The following VANGL2 variants were observed in gnomAD, a reference collection of about 807,000 sequenced individuals.
The protein encoded by VANGL2 is VANGL planar cell polarity protein 2.
VANGL2 carries 14 observed loss-of-function variants against 50.2 expected under a neutral mutation model. That is an observed-to-expected ratio of 0.28 (90% confidence interval 0.18 to 0.44). The LOEUF is 0.44. Among genes scored for constraint, VANGL2 ranks in the 20% least tolerant of loss-of-function variants. The probability of loss-of-function intolerance (pLI) is 1.00; values close to 1 mark genes in which losing one functional copy is unlikely to be tolerated. For missense variants in VANGL2, 533 were observed against 701.5 expected (o/e 0.76, Z 2.71); for synonymous variants, 295 against 297.2 (o/e 0.99, Z 0.08).
At chr1:160,414,840 C>G (rs575081091) in intron 1 of VANGL2, among the ~76,000 whole-genome samples, 4 of 128,198 alleles carry the variant, frequency 3.1e-5, no homozygotes, top group Non-Finnish European at 4.8e-5. Context: ...GAAGAATGAG[C>G]AGGATTTGGG....
chr1:160,409,258 C>G (rs1158842457), intron 1 of VANGL2, among the ~76,000 whole-genome samples: 2 of 152,204 alleles, frequency 1.3e-5, no homozygotes, highest in African/African-American at 4.8e-5. Context: ...CTACGATTTT[C>G]CAACAATTAG....
Position 160,409,036 on chromosome 1 carries a change from A to G in VANGL2, c.-190-6612A>G, listed in dbSNP as rs1185807415. ...TGCAGGAACCACCCCTTTTGGGGATAGAGGCTCTTTGGTTCTGGCTGTCTT... is the reference window on the plus strand; with the variant it reads ...TGCAGGAACCACCCCTTTTGGGGATGGAGGCTCTTTGGTTCTGGCTGTCTT... On this transcript the variant is annotated intron_variant, in intron 1 of 7. Transcript: ENST00000368061. Among the ~76,000 whole-genome samples, 3 of 152,350 alleles carry G rather than the reference A, an allele frequency of 2.0e-5. No homozygotes were observed. In the East Asian group the frequency reaches 5.8e-4, roughly 29 times the overall value.
rs1651162253 is a variant in VANGL2 at position 160,419,052 on chromosome 1, C to T, written c.243C>T (p.His81=). The T allele has an allele frequency of 6.2e-7, 1 of 1,612,516 alleles. No homozygotes were observed. Among genetic ancestry groups the T allele is most frequent in the African/African-American group, 1.3e-5 (1 of 74,902 alleles). Residue 81 remains histidine (H), a synonymous_variant, in exon 4 of 8, where the codon CAC becomes CAT. Transcript: ENST00000368061. This position sits in a 1 kb window ranked among gnomAD's most constrained non-coding sequence, Gnocchi z 5.8. ...TTTVVTGTSE[H]SISHDDLTRI... ...CAGTAGTAACGGGCACCTCAGAGCA[C>T]AGCATCTCCCATGATGACCTCACAC...
intron 1 of VANGL2, among the ~76,000 whole-genome samples, chr1:160,413,823 A>G (rs1650967735): frequency 2.0e-5 from 3 of 152,120 alleles, no homozygotes; most frequent in South Asian, 4.1e-4. Flanking sequence ...TCACACACTC[A>G]GTACCTCCAG....
At chr1:160,401,084 C>G (rs1004195583) in intron 1 of VANGL2, among the ~76,000 whole-genome samples, 1 of 152,116 alleles carries the variant, frequency 6.6e-6, no homozygotes, top group Non-Finnish European at 1.5e-5. Flanking sequence ...AGTACCCCCC[C>G]CAACTTTGGG....
intron 1 of VANGL2, among the ~76,000 whole-genome samples, chr1:160,413,488 T>G (rs1650950862): frequency 6.6e-6 from 1 of 152,066 alleles, no homozygotes; most frequent in Non-Finnish European, 1.5e-5. Context: ...GGTCTTGAAC[T>G]CCTGACCTCG....
At chr1:160,414,133 G>C (rs1317359134) in intron 1 of VANGL2, among the ~76,000 whole-genome samples, 1 of 152,140 alleles carries the variant, frequency 6.6e-6, no homozygotes, top group Non-Finnish European at 1.5e-5. Context: ...TACTGCAGTC[G>C]CCTCCTTATT....
intron 1 of VANGL2, among the ~76,000 whole-genome samples, chr1:160,403,235 A>G (rs1171471253): frequency 6.6e-6 from 1 of 152,016 alleles, no homozygotes; most frequent in Non-Finnish European, 1.5e-5. Flanking sequence ...CTTGCATCTA[A>G]GATGGTGTGC....
At chr1:160,401,531 T>G (rs576701010) in intron 1 of VANGL2, among the ~76,000 whole-genome samples, 1 of 152,178 alleles carries the variant, frequency 6.6e-6, no homozygotes, top group African/African-American at 2.4e-5. Flanking sequence ...GAAGGGTTGG[T>G]GGAGGATCCG....
At chr1:160,418,720 C>T (rs534519249) in intron 3 of VANGL2, among the ~76,000 whole-genome samples, 2 of 152,208 alleles carry the variant, frequency 1.3e-5, no homozygotes, top group Admixed American at 6.5e-5. Flanking sequence ...GGGTCATTGC[C>T]GCATGTGTGG....
At position 160,416,097 on chromosome 1, in the gene VANGL2, A is replaced by T. The variant is rs1455133826; in HGVS notation, c.107A>T (p.Asp36Val). ...GACCGACACCGCTCTAAGAGTCGAG[A>T]TGGGGGCCGAGGGGACAAGTCGGTG... is the stretch of plus-strand genomic sequence containing the variant. ...RRDRHRSKSR[D>V]GGRGDKSVTI... The change falls in exon 3 of 8, where the codon GAT (aspartate) becomes GTT (valine). Residue 36 changes from aspartate (D) to valine (V), a missense_variant. By Grantham distance (152) the Asp-to-Val change is radical. Transcript: ENST00000368061. 6.2e-7 allele frequency: 1 copy of T among 1,614,018 alleles called. No individual in the cohort carries two copies. The highest frequency in any genetic ancestry group is 8.5e-7 in the Non-Finnish European group (1 of 1,180,020).
At chr1:160,417,983 C>T (rs959590859) in intron 3 of VANGL2, among the ~76,000 whole-genome samples, 4 of 148,226 alleles carry the variant, frequency 2.7e-5, no homozygotes, top group Non-Finnish European at 5.9e-5. Flanking sequence ...ACGATCTCTG[C>T]TCACCACAAC....
intron 6 of VANGL2, among the ~76,000 whole-genome samples, chr1:160,421,451 G>A (rs1169512555): frequency 6.6e-6 from 1 of 152,176 alleles, no homozygotes; most frequent in Non-Finnish European, 1.5e-5. Flanking sequence ...AAATCAAGAG[G>A]ACTCTCATCT....
At chr1:160,423,128 A>G (rs760697985) in intron 6 of VANGL2, among the ~76,000 whole-genome samples, 13 of 150,222 alleles carry the variant, frequency 8.7e-5, no homozygotes, top group Non-Finnish European at 1.8e-4. Context: ...CTGGTCTTGA[A>G]CTCCTGACCT....
In VANGL2 at chr1:160,419,062, C is replaced by T. The variant is rs1312169138; in HGVS notation, c.253C>T (p.His85Tyr). The T allele has an allele frequency of 1.2e-6, 2 of 1,613,414 alleles. No individual in the cohort carries two copies. Among genetic ancestry groups the T allele is most frequent in the Admixed American group, 1.7e-5 (1 of 59,996 alleles). ...VTGTSEHSISHDDLTRIAKDM... is the reference protein window; with the variant it reads ...VTGTSEHSISYDDLTRIAKDM... ...GGGCACCTCAGAGCACAGCATCTCC[C>T]ATGATGACCTCACACGCATCGCCAA... The change falls in exon 4 of 8, where the codon CAT becomes TAT. Residue 85 changes from histidine (H) to tyrosine (Y), a missense_variant. Transcript: ENST00000368061. This position sits in a 1 kb window ranked among gnomAD's most constrained non-coding sequence, Gnocchi z 5.8.
intron 5 of VANGL2, 69 bp from the exon 6 acceptor site, chr1:160,420,983 A>G: frequency 1.2e-6 from 2 of 1,605,646 alleles, no homozygotes; most frequent in Middle Eastern, 1.7e-4. Flanking sequence ...TGCTGTCTCC[A>G]GAGCTCCTGG....
At chr1:160,410,708 GCA>G (rs1557906767) in intron 1 of VANGL2, among the ~76,000 whole-genome samples, 2 of 150,772 alleles carry the variant, frequency 1.3e-5, no homozygotes. Context: ...ACGCACGCAC[GCA>G]CGCACTACTC....
intron 1 of VANGL2, among the ~76,000 whole-genome samples, chr1:160,410,265 T>A (rs568192678): frequency 6.6e-6 from 1 of 152,116 alleles, no homozygotes; most frequent in South Asian, 2.1e-4. Context: ...CCAAGCACCC[T>A]TCTCAGCTGC....
intron 1 of VANGL2, among the ~76,000 whole-genome samples, chr1:160,413,124 T>C (rs1650939318): frequency 6.6e-6 from 1 of 152,206 alleles, no homozygotes; most frequent in African/African-American, 2.4e-5. Flanking sequence ...AAGCGAGGCA[T>C]GACTATGTTC....
Sources: allele counts gnomAD v4.1 joint callset (sites outside exome capture counted in the v4.1 genomes callset), GRCh38; gene constraint gnomAD v4.1.1; non-coding constraint Gnocchi (gnomAD v3.1); transcripts MANE v1.5; gene names NCBI Gene and HGNC (gene_info 2026-07-23, HGNC 2026-07-21).